The following TNS3 variants were observed in gnomAD, a reference collection of about 807,000 sequenced individuals.
TNS3 encodes the protein tensin 3, also known as tensin-3.
TNS3 carries 45 observed loss-of-function variants against 140.9 expected under a neutral mutation model. The ratio of observed to expected loss-of-function variants is 0.32; its 90% CI spans 0.25 to 0.41. TNS3 has a LOEUF of 0.41. Among genes scored for constraint, TNS3 ranks in the 10% least tolerant of loss-of-function variants. TNS3 has a pLI of 1.00. For synonymous variants in TNS3, 815 were observed against 788.4 expected, an observed-to-expected ratio of 1.03 and a Z score of -0.56; for missense variants, 1,716 against 1,906.7, an observed-to-expected ratio of 0.90 and a Z score of 1.86.
intron 3 of TNS3, among the ~76,000 whole-genome samples, chr7:47,482,963 G>T (rs994550018): frequency 2.0e-5 from 3 of 152,160 alleles, no homozygotes. Flanking sequence ...TTAGGGCCAT[G>T]AAGCTATTCT....
chr7:47,295,422 C>T (rs1353160795), intron 24 of TNS3, among the ~76,000 whole-genome samples: 3 of 152,198 alleles, frequency 2.0e-5, no homozygotes, highest in African/African-American at 4.8e-5. Flanking sequence ...CTTGGTCCTG[C>T]GACCCTCTTT....
chr7:47,505,816 T>C (rs1344926777), intron 3 of TNS3, among the ~76,000 whole-genome samples: 1 of 152,198 alleles, frequency 6.6e-6, no homozygotes, highest in African/African-American at 2.4e-5. Context: ...TGTGCATGCA[T>C]GTGTATTTAT....
rs61731312 is a variant in TNS3 at position 47,291,981 on chromosome 7, G to A, written c.3902C>T (p.Ala1301Val). The change falls in exon 27 of 31, where the codon GCA becomes GTA. Residue 1301 changes from alanine to valine, a missense_variant. By Grantham distance (64) the Ala-to-Val change is moderately conservative. Around this residue, in one of 3 missense-constraint regions of TNS3, gnomAD observed 216 missense variants for 295.7 expected, o/e 0.73. Coordinates refer to ENST00000311160, the MANE Select transcript of TNS3 (RefSeq NM_022748.12). ...TGCCCCCTGCTTCAACAGCTCAGCT[G>A]CTGAATTGGCTGCCGTCTGGGGAGA... ...ESSPQTAANS[A>V]AELLKQGAAC... 2.5e-6 allele frequency: 4 copies of A among 1,614,166 alleles called. No homozygotes were observed. The highest frequency in any genetic ancestry group is 2.5e-6 in the Non-Finnish European group (3 of 1,180,006).
chr7:47,374,435 G>A (rs767043428), intron 16 of TNS3, among the ~76,000 whole-genome samples: 1 of 152,170 alleles, frequency 6.6e-6, no homozygotes, highest in African/African-American at 2.4e-5. Context: ...CCTCTGTATC[G>A]TCTATCTTCT....
chr7:47,399,055 G>T (rs1370218791), intron 15 of TNS3, among the ~76,000 whole-genome samples: 3 of 74,244 alleles, frequency 4.0e-5, no homozygotes, highest in Admixed American at 1.6e-4. Context: ...ATCAAATTAA[G>T]AACTCAATTC....
chr7:47,321,092 G>T (rs909501105), intron 20 of TNS3, among the ~76,000 whole-genome samples: 1 of 152,230 alleles, frequency 6.6e-6, no homozygotes, highest in Non-Finnish European at 1.5e-5. Context: ...ACTCCAGGAG[G>T]AGCCAATTGT....
At chr7:47,467,314 A>G (rs1796760372) in intron 4 of TNS3, among the ~76,000 whole-genome samples, 1 of 152,258 alleles carries the variant, frequency 6.6e-6, no homozygotes, top group South Asian at 2.1e-4. Flanking sequence ...ACTTCCCACT[A>G]AAGTAGAAAA....
At chr7:47,405,700 T>A in intron 13 of TNS3, 1 of 658,930 alleles carries the variant, frequency 1.5e-6, no homozygotes, top group Non-Finnish European at 2.8e-6. Flanking sequence ...AATGCTGTGA[T>A]GCGTCCAACA....
intron 17 of TNS3, among the ~76,000 whole-genome samples, chr7:47,365,717 G>A (rs1293987510): frequency 6.6e-6 from 1 of 152,020 alleles, no homozygotes; most frequent in Non-Finnish European, 1.5e-5. Flanking sequence ...CTGAGATCAC[G>A]CCATTGCACT....
chr7:47,361,549 C>T (rs1160007364), intron 17 of TNS3, among the ~76,000 whole-genome samples: 1 of 152,198 alleles, frequency 6.6e-6, no homozygotes, highest in African/African-American at 2.4e-5. Flanking sequence ...AGCCTTCTGC[C>T]ACGGAATCAG....
At chr7:47,519,828 T>A (rs1798907344) in intron 2 of TNS3, among the ~76,000 whole-genome samples, 1 of 137,632 alleles carries the variant, frequency 7.3e-6, no homozygotes, top group Admixed American at 7.3e-5. Flanking sequence ...TTTTTTTTTT[T>A]TTTTTTTTTT....
rs115260580 is a variant in TNS3 at position 47,533,842 on chromosome 7, T to C, written c.-264-4695A>G. ...CCTGCTGCCATGTGAGATGTGCCTT[T>C]CACCTTTCGAAATGATTGTGAGGCC... On this transcript the variant is annotated intron_variant, in intron 1 of 30. Transcript: ENST00000311160. Among the ~76,000 whole-genome samples, 1,193 of 152,254 alleles carry C rather than the reference T, an allele frequency of 7.8e-3. 16 individuals are homozygous for C. Among genetic ancestry groups the C allele is most frequent in the African/African-American group, 0.027 (1,132 of 41,550 alleles).
intron 6 of TNS3, 28 bp from the exon 7 acceptor site, chr7:47,437,341 C>T: frequency 8.3e-7 from 1 of 1,210,432 alleles, no homozygotes; most frequent in East Asian, 2.9e-5. Flanking sequence ...AATTGCCTTG[C>T]ATAAAATAGA....
At chr7:47,352,126 C>G (rs1230545732) in intron 17 of TNS3, among the ~76,000 whole-genome samples, 1 of 149,436 alleles carries the variant, frequency 6.7e-6, no homozygotes, top group African/African-American at 2.5e-5. Context: ...GTCTCTCACA[C>G]ACTCTTACAC....
intron 4 of TNS3, among the ~76,000 whole-genome samples, chr7:47,469,165 G>A (rs145801082): frequency 2.0e-5 from 3 of 152,246 alleles, no homozygotes; most frequent in East Asian, 3.9e-4. Context: ...TACCCTTATC[G>A]ACATCAGCCT....
chr7:47,527,449 GA>G (rs745778654), intron 2 of TNS3, among the ~76,000 whole-genome samples: 3 of 152,110 alleles, frequency 2.0e-5, no homozygotes, highest in South Asian at 2.1e-4. Context: ...ACGCCTGTCC[GA>G]GAGCATCAGT....
chr7:47,401,985 T>C (rs563833879), intron 13 of TNS3, among the ~76,000 whole-genome samples: 1 of 152,318 alleles, frequency 6.6e-6, no homozygotes, highest in South Asian at 2.1e-4. Flanking sequence ...AAGAGACTTT[T>C]CTTGGAGAAA....
intron 15 of TNS3, among the ~76,000 whole-genome samples, chr7:47,398,027 G>T (rs888362075): frequency 1.1e-4 from 16 of 152,076 alleles, no homozygotes; most frequent in Admixed American, 2.0e-4. Context: ...AGACTATTAT[G>T]AACACCTTTA....
chr7:47,442,820 ACTC>A (rs1795534397), intron 4 of TNS3, among the ~76,000 whole-genome samples: 1 of 151,904 alleles, frequency 6.6e-6, no homozygotes, highest in African/African-American at 2.4e-5. Context: ...AGCCTCCGGC[ACTC>A]CTCCTGCTCC....
Sources: gnomAD v4.1 joint callset for allele counts (sites outside exome capture counted in the v4.1 genomes callset) on GRCh38, gnomAD v4.1.1 for gene constraint, gnomAD v4.1.1 regional missense constraint, MANE v1.5 for transcripts, NCBI Gene and HGNC (gene_info 2026-07-23, HGNC 2026-07-21) for gene names.